Variants in NAV2 observed in about 807,000 individuals in gnomAD.
The protein encoded by NAV2 is helicase, APC down-regulated 1.
A neutral mutation model predicts 223.2 loss-of-function variants in NAV2; 54 were observed. The ratio of observed to expected loss-of-function variants is 0.24; its 90% CI spans 0.19 to 0.30. The LOEUF is 0.30. Among genes scored for constraint, NAV2 ranks in the 10% least tolerant of loss-of-function variants. The pLI is 1.00. For synonymous variants in NAV2, 1,279 were observed against 1,239.3 expected, an observed-to-expected ratio of 1.03 and a Z score of -0.67; for missense variants, 2,806 against 3,147.5, an observed-to-expected ratio of 0.89 and a Z score of 2.60.
intron 1 of NAV2, among the ~76,000 whole-genome samples, chr11:19,773,793 T>C (rs2055906840): frequency 6.6e-6 from 1 of 152,168 alleles, no homozygotes; most frequent in Admixed American, 6.5e-5. Context: ...CACTCACCTC[T>C]TCTTGCTTGG....
intron 1 of NAV2, among the ~76,000 whole-genome samples, chr11:19,783,549 G>A (rs2056895137): frequency 6.6e-6 from 1 of 152,170 alleles, no homozygotes; most frequent in Non-Finnish European, 1.5e-5. Flanking sequence ...ACCCTCGTCT[G>A]ATTCTCTAAG....
chr11:19,642,006 T>C (rs2047679957), intron 1 of NAV2, among the ~76,000 whole-genome samples: 1 of 152,232 alleles, frequency 6.6e-6, no homozygotes, highest in Non-Finnish European at 1.5e-5. Flanking sequence ...AGAATAGTGA[T>C]TGGCATATAG....
intron 1 of NAV2, among the ~76,000 whole-genome samples, chr11:19,773,305 C>A (rs1255381533): frequency 6.6e-6 from 1 of 152,180 alleles, no homozygotes; most frequent in Non-Finnish European, 1.5e-5. Context: ...CAGAGGACAC[C>A]ACTCAGTGAA....
At chr11:19,857,797 G>A (rs2061482665) in intron 3 of NAV2, among the ~76,000 whole-genome samples, 1 of 152,204 alleles carries the variant, frequency 6.6e-6, no homozygotes, top group African/African-American at 2.4e-5. Flanking sequence ...CATAATCAAA[G>A]TAATTGATAC....
At chr11:19,842,987 T>G in intron 3 of NAV2, 64 bp downstream of exon 3, 3 of 1,365,634 alleles carry the variant, frequency 2.2e-6, no homozygotes, top group Non-Finnish European at 3.1e-6. Flanking sequence ...TAAGTGATAT[T>G]GACCATCTTG....
Position 19,944,501 on chromosome 11 carries a change from TCTTTCCC to T in NAV2, c.2147-1886_2147-1880del, listed in dbSNP as rs1001479441. Among the ~76,000 whole-genome samples the T allele has an allele frequency of 7.7e-4, 115 of 149,222 alleles. 1 individual carries two copies. In the South Asian group the frequency reaches 0.017, roughly 21 times the overall value. ...TTCTCCTTTCCCCTTTCCCCTTTCC[TCTTTCCC>T]CTTTCCCCTTTCCTTTCCCTTCCTT... On this transcript the variant is annotated intron_variant, in intron 8 of 37. Coordinates refer to ENST00000349880, the MANE Select transcript of NAV2 (RefSeq NM_145117.5).
chr11:19,735,693 C>T (rs533081646), intron 1 of NAV2, among the ~76,000 whole-genome samples: 1 of 152,318 alleles, frequency 6.6e-6, no homozygotes, highest in Admixed American at 6.5e-5. Flanking sequence ...TTTTAATAAC[C>T]TGCCGACAGC....
At chr11:19,462,072 G>C (rs1191772732) in intron 1 of NAV2, among the ~76,000 whole-genome samples, 1 of 152,148 alleles carries the variant, frequency 6.6e-6, no homozygotes, top group East Asian at 1.9e-4. Context: ...ACCTCCTATA[G>C]TGCTGGGATC....
At chr11:19,516,287 G>A (rs958957707) in intron 1 of NAV2, among the ~76,000 whole-genome samples, 8 of 152,194 alleles carry the variant, frequency 5.3e-5, no homozygotes, top group Admixed American at 1.3e-4. Context: ...AGCCAATGGT[G>A]TAGTATTGAA....
At chr11:19,881,122 G>A (rs544204940) in intron 5 of NAV2, among the ~76,000 whole-genome samples, 7 of 152,226 alleles carry the variant, frequency 4.6e-5, no homozygotes, top group Admixed American at 6.5e-5. Context: ...GCACAAAGCC[G>A]CTCAAACACA....
rs557122143 is a variant in NAV2 at position 19,389,927 on chromosome 11, G to A, written c.75+38900G>A. 1.1e-4 allele frequency among the ~76,000 whole-genome samples: 16 copies of A among 152,288 alleles called. 1 individual carries two copies. Among genetic ancestry groups the A allele is most frequent in the African/African-American group, 2.9e-4 (12 of 41,574 alleles). ...ACCAGGAAAACTGTGGCCTCAGTTCGGAGGCAGAATCCCTCTGCCCTCTAT... is the reference window on the plus strand; with the variant it reads ...ACCAGGAAAACTGTGGCCTCAGTTCAGAGGCAGAATCCCTCTGCCCTCTAT... On this transcript the variant is annotated intron_variant, in intron 1 of 37. Coordinates refer to the NAV2 transcript ENST00000360655.
At chr11:19,743,343 G>A (rs1422434660) in intron 1 of NAV2, among the ~76,000 whole-genome samples, 1 of 152,194 alleles carries the variant, frequency 6.6e-6, no homozygotes, top group Non-Finnish European at 1.5e-5. Context: ...CACTACCCAA[G>A]CCTAGCAACA....
At chr11:19,409,892 G>A (rs186731266) in intron 1 of NAV2, among the ~76,000 whole-genome samples, 255 of 152,276 alleles carry the variant, frequency 1.7e-3, no homozygotes, top group African/African-American at 5.6e-3. Flanking sequence ...CAGAGTTGGA[G>A]AGAAATGACT....
chr11:20,036,260 G>C (rs1032262707), intron 12 of NAV2, among the ~76,000 whole-genome samples, 163 bp downstream of exon 12: 1 of 152,200 alleles, frequency 6.6e-6, no homozygotes, highest in Non-Finnish European at 1.5e-5. Flanking sequence ...ACCCTGACCT[G>C]TGTCCACAAG....
intron 35 of NAV2, among the ~76,000 whole-genome samples, chr11:20,106,155 G>A (rs1354856633): frequency 1.3e-4 from 4 of 31,492 alleles, no homozygotes; most frequent in African/African-American, 2.0e-4. Context: ...GTGTGTGTGT[G>A]TATATATATA....
intron 1 of NAV2, among the ~76,000 whole-genome samples, chr11:19,391,101 C>T (rs993291714): frequency 1.3e-5 from 2 of 152,126 alleles, no homozygotes; most frequent in African/African-American, 2.4e-5. Context: ...AGTCACCGTA[C>T]CCCAAAGCTT....
chr11:19,730,475 G>A (rs1389755087), intron 1 of NAV2, among the ~76,000 whole-genome samples: 1 of 152,216 alleles, frequency 6.6e-6, no homozygotes, highest in Non-Finnish European at 1.5e-5. Flanking sequence ...GGCCTGTTGG[G>A]GCCCTCGGTC....
At chr11:19,380,921 A>G (rs899826676) in intron 1 of NAV2, among the ~76,000 whole-genome samples, 6 of 152,134 alleles carry the variant, frequency 3.9e-5, no homozygotes, top group Admixed American at 2.0e-4. Context: ...TTTCCACCCT[A>G]TGACTATGAC....
chr11:19,610,902 A>T (rs1454817700), intron 1 of NAV2, among the ~76,000 whole-genome samples: 1 of 152,064 alleles, frequency 6.6e-6, no homozygotes, highest in Non-Finnish European at 1.5e-5. Context: ...AAATGCCTGT[A>T]TGCTTAGCAC....
Sources: allele counts gnomAD v4.1 joint callset (sites outside exome capture counted in the v4.1 genomes callset), GRCh38; gene constraint gnomAD v4.1.1; transcripts MANE v1.5; gene names NCBI Gene and HGNC (gene_info 2026-07-23, HGNC 2026-07-21).